Variants in GLIPR1L1 observed in about 807,000 individuals in gnomAD.
GLIPR1L1 encodes GLIPR1 like 1, also known as GLIPR1-like protein 1.
A neutral mutation model predicts 29.9 loss-of-function variants in GLIPR1L1; 26 were observed. The observed-to-expected ratio is 0.87, with a 90% CI of 0.64 to 1.21. The LOEUF (loss-of-function observed/expected upper bound fraction) is 1.21. Among genes scored for constraint, GLIPR1L1 ranks in the 50% most tolerant of loss-of-function variants. The pLI, the probability that GLIPR1L1 is intolerant of heterozygous loss-of-function variation, is 0.00. For synonymous variants in GLIPR1L1, 77 were observed against 97.5 expected (o/e 0.79, Z 1.24); for missense variants, 305 against 290.3 (o/e 1.05, Z -0.37).
chr12:75,348,528 C>T (rs543082006), intron 3 of GLIPR1L1, among the ~76,000 whole-genome samples: 8 of 152,244 alleles, frequency 5.3e-5, no homozygotes, highest in Non-Finnish European at 1.0e-4. Flanking sequence ...ACTACTGACA[C>T]ATTTATTATC....
intron 1 of GLIPR1L1, among the ~76,000 whole-genome samples, chr12:75,337,188 T>A (rs2139245641): frequency 6.6e-6 from 1 of 151,868 alleles, no homozygotes; most frequent in Admixed American, 6.5e-5. Flanking sequence ...TTCTTTCAAC[T>A]CAAGAAGGTA....
chr12:75,343,978 G>T, intron 2 of GLIPR1L1, 40 bp downstream of exon 2: 1 of 1,498,026 alleles, frequency 6.7e-7, no homozygotes, highest in Admixed American at 2.1e-5. Flanking sequence ...TCTTATTTGT[G>T]CATATTTTAA....
intron 3 of GLIPR1L1, chr12:75,361,071 AAG>A (rs2043552568): frequency 6.6e-6 from 1 of 152,118 alleles, no homozygotes; most frequent in South Asian, 2.1e-4. Context: ...ACTCTCAACA[AAG>A]AGAAATGTGG....
intron 4 of GLIPR1L1, among the ~76,000 whole-genome samples, chr12:75,366,242 C>A (rs1001586019): frequency 6.6e-6 from 1 of 152,002 alleles, no homozygotes; most frequent in African/African-American, 2.4e-5. Flanking sequence ...ATAGAAAGAT[C>A]CCATTTTTTA....
At chr12:75,341,402 A>G (rs1316668257) in intron 1 of GLIPR1L1, among the ~76,000 whole-genome samples, 1 of 152,174 alleles carries the variant, frequency 6.6e-6, no homozygotes, top group Non-Finnish European at 1.5e-5. Context: ...CAATCTCAAA[A>G]TGGATACATA....
At chr12:75,363,799 G>T (rs897075594) in intron 4 of GLIPR1L1, among the ~76,000 whole-genome samples, 1 of 152,120 alleles carries the variant, frequency 6.6e-6, no homozygotes. Flanking sequence ...CTGAGAACAT[G>T]TGTCCAAGGT....
intron 3 of GLIPR1L1, among the ~76,000 whole-genome samples, chr12:75,349,055 G>A (rs1205551315): frequency 2.6e-5 from 4 of 152,090 alleles, no homozygotes; most frequent in Non-Finnish European, 5.9e-5. Context: ...AAGAGTACCA[G>A]AGAAAAGAGA....
At chr12:75,359,104 A>C (rs1192225815) in intron 3 of GLIPR1L1, among the ~76,000 whole-genome samples, 1 of 150,484 alleles carries the variant, frequency 6.6e-6, no homozygotes, top group Non-Finnish European at 1.5e-5. Flanking sequence ...TAAGTTTAGC[A>C]ATCTTTTAGG....
chr12:75,361,545 G>C (rs2043592478), intron 3 of GLIPR1L1, among the ~76,000 whole-genome samples: 1 of 152,146 alleles, frequency 6.6e-6, no homozygotes, highest in Non-Finnish European at 1.5e-5. Context: ...AGCCCAAGCT[G>C]TACCTCAGCC....
intron 3 of GLIPR1L1, among the ~76,000 whole-genome samples, chr12:75,353,866 T>C (rs1368575602): frequency 6.6e-6 from 1 of 152,172 alleles, no homozygotes; most frequent in African/African-American, 2.4e-5. Context: ...TAATTCATTA[T>C]ATCATCAGAA....
chr12:75,370,082 C>A lies in GLIPR1L1; in HGVS notation c.638-3C>A. 6.3e-7 allele frequency: 1 copy of A among 1,586,920 alleles called. No homozygotes were observed. The highest frequency in any genetic ancestry group is 1.7e-4 in the Middle Eastern group (1 of 6,006). On this transcript the variant is annotated splice_polypyrimidine_tract_variant and splice_region_variant and intron_variant, in intron 5 of 5. Transcript: ENST00000378695. The stretch of plus-strand genomic sequence containing the variant: ...ATTCTGGTTTTGTTTTTGTTTTTGA[C>A]AGAAAATCCATTTCTGAAGCCAACG...
chr12:75,370,081 A>T lies in GLIPR1L1; in HGVS notation c.638-4A>T. The T allele has an allele frequency of 6.3e-7, 1 of 1,583,494 alleles. No individual in the cohort carries two copies. The highest frequency in any genetic ancestry group is 8.6e-7 in the Non-Finnish European group (1 of 1,156,712). ...TATTCTGGTTTTGTTTTTGTTTTTG[A>T]CAGAAAATCCATTTCTGAAGCCAAC... On this transcript the variant is annotated splice_polypyrimidine_tract_variant and splice_region_variant and intron_variant, in intron 5 of 5. Transcript: ENST00000378695.
intron 1 of GLIPR1L1, 123 bp downstream of exon 1, chr12:75,335,025 G>GA (rs1221016528): frequency 1.4e-5 from 13 of 919,790 alleles, no homozygotes; most frequent in Non-Finnish European, 2.1e-5. Flanking sequence ...CAGTTAAAAA[G>GA]AAAAAAATTC....
chr12:75,354,166 AG>A (rs35360428), intron 3 of GLIPR1L1, among the ~76,000 whole-genome samples: 48,844 of 122,818 alleles, frequency 0.4, 9,402 homozygotes, highest in East Asian at 0.56. Context: ...GAGAAAAAAA[AG>A]GGGGGGGGGT....
At chr12:75,357,715 T>C (rs374032291) in intron 3 of GLIPR1L1, among the ~76,000 whole-genome samples, 51 of 152,162 alleles carry the variant, frequency 3.4e-4, no homozygotes, top group African/African-American at 1.1e-3. Context: ...TTGTCCAATG[T>C]CCAATGTCCA....
intron 1 of GLIPR1L1, among the ~76,000 whole-genome samples, chr12:75,341,882 G>T (rs2042146018): frequency 1.3e-5 from 2 of 150,044 alleles, no homozygotes; most frequent in African/African-American, 2.5e-5. Flanking sequence ...CTGAGTAGTT[G>T]GGATTACAAG....
At position 75,342,942 on chromosome 12, in the gene GLIPR1L1, GAATA is replaced by G. The variant is rs200691726; in HGVS notation, c.175-750_175-747del. 7.4e-3 allele frequency among the ~76,000 whole-genome samples: 1,076 copies of G among 146,074 alleles called. 9 individuals carry two copies. The highest frequency in any genetic ancestry group is 0.011 in the Non-Finnish European group (696 of 66,268). Reference sequence around the variant, plus strand: ...AATGTTTTGCAGCTATTCATTTGTAGAATATATAGATATATAATAGATTTTGCAT... The same window carrying G: ...AATGTTTTGCAGCTATTCATTTGTAGTATAGATATATAATAGATTTTGCAT... On this transcript the variant is annotated intron_variant, in intron 1 of 5. Transcript: ENST00000378695.
chr12:75,351,338 C>T (rs2042795251), intron 3 of GLIPR1L1, among the ~76,000 whole-genome samples: 1 of 152,010 alleles, frequency 6.6e-6, no homozygotes, highest in Admixed American at 6.6e-5. Context: ...CCAGAGAACC[C>T]CCGTAAGATA....
intron 3 of GLIPR1L1, among the ~76,000 whole-genome samples, chr12:75,359,682 T>C (rs2043434672): frequency 6.6e-6 from 1 of 152,080 alleles, no homozygotes; most frequent in South Asian, 2.1e-4. Flanking sequence ...GACTCACACA[T>C]TGTTGACCAC....
Sources: gnomAD v4.1 joint callset for allele counts (sites outside exome capture counted in the v4.1 genomes callset) on GRCh38, gnomAD v4.1.1 for gene constraint, MANE v1.5 for transcripts, NCBI Gene and HGNC (gene_info 2026-07-23, HGNC 2026-07-21) for gene names.